Variants in ECM2 observed in about 807,000 individuals in gnomAD.
ECM2 encodes the protein extracellular matrix protein 2, female organ and adipocyte specific.
A neutral mutation model predicts 67.5 loss-of-function variants in ECM2; 57 were observed. The ratio of observed to expected loss-of-function variants is 0.84; its 90% CI spans 0.68 to 1.05. ECM2 has a LOEUF of 1.05. Among genes scored for constraint, ECM2 ranks in the 50% least tolerant of loss-of-function variants. The pLI is 0.00. For missense variants in ECM2, 741 were observed against 822.8 expected, an observed-to-expected ratio of 0.90 and a Z score of 1.22; for synonymous variants, 258 against 294.5, an observed-to-expected ratio of 0.88 and a Z score of 1.27.
rs1365134591 is a variant in ECM2, at chr9:92,495,583, G to A, written c.*732C>T. The A allele has an allele frequency of 1.8e-5, 18 of 978,568 alleles. No homozygotes were observed. Among genetic ancestry groups the A allele is most frequent in the Admixed American group, 6.2e-5 (1 of 16,228 alleles). The allele number at this position is 978,568 out of a possible 1,614,324, so 60.6% of individuals were successfully genotyped here. A position where few individuals can be genotyped will look rare whatever the true frequency, so the allele number is the denominator to read the frequency against. ...TTAATCTTGAGTGAGGAATAGTGAA[G>A]GTAATCTTAATATACTGTTTAACTT... On this transcript the variant is annotated 3_prime_UTR_variant, in exon 10 of 10. Transcript: ENST00000344604.
chr9:92,505,523 A>T lies in ECM2; in HGVS notation c.1464+10T>A. 2 of 1,578,016 alleles carry T rather than the reference A, an allele frequency of 1.3e-6. No individual in the cohort carries two copies. The highest frequency in any genetic ancestry group is 1.7e-6 in the Non-Finnish European group (2 of 1,167,470). ...AATACATTTAAAACACTAAAAAAAT[A>T]TATTGTTACCTCAATAGAACCAGGA... On this transcript the variant is annotated intron_variant, in intron 7 of 9. Transcript: ENST00000344604.
the ECM2 span, among the ~76,000 whole-genome samples, chr9:92,551,386 G>A: frequency 6.6e-6 from 1 of 152,056 alleles, no homozygotes. Context: ...CACCCAAGCT[G>A]GACTGTAGTG....
downstream of ECM2, among the ~76,000 whole-genome samples, chr9:92,494,550 ATTG>A (rs1414830948): frequency 6.6e-6 from 1 of 152,146 alleles, no homozygotes; most frequent in Non-Finnish European, 1.5e-5. Flanking sequence ...TCATATTATT[ATTG>A]TTGTTCATGT....
the ECM2 span, among the ~76,000 whole-genome samples, chr9:92,543,565 C>T: frequency 7.5e-6 from 1 of 134,070 alleles, no homozygotes; most frequent in Non-Finnish European, 1.6e-5. Context: ...TTTTCTGTTT[C>T]TGTTAAGAAT....
Position 92,517,712 on chromosome 9 carries a change from T to C in ECM2, c.456A>G (p.Glu152=). 1 of 1,614,192 alleles carries C rather than the reference T, an allele frequency of 6.2e-7. No individual in the cohort carries two copies. Among genetic ancestry groups the C allele is most frequent in the Non-Finnish European group, 8.5e-7 (1 of 1,180,024 alleles). Residue 152 remains glutamate, a synonymous_variant, in exon 3 of 10, where the codon GAA becomes GAG. Coordinates refer to ENST00000344604, the MANE Select transcript of ECM2 (RefSeq NM_001393.4). ...RCPQTVIPEG[E]CCPVCSATVS... is the part of the protein sequence containing the mutation. ...CAGTAGCGGAGCAGACCGGGCAGCA[T>C]TCCCCTTCAGGTATAACTGTTTGGG...
At chr9:92,558,555 A>G in the ECM2 span, among the ~76,000 whole-genome samples, 1 of 152,096 alleles carries the variant, frequency 6.6e-6, no homozygotes, top group Admixed American at 6.6e-5. Context: ...AGAGGGTGCA[A>G]TGGACACCAT....
the ECM2 span, among the ~76,000 whole-genome samples, chr9:92,541,744 C>T: frequency 1.3e-5 from 2 of 152,058 alleles, no homozygotes; most frequent in African/African-American, 2.4e-5. Context: ...GTGAATAATG[C>T]TGCAGTAAAC....
the ECM2 span, among the ~76,000 whole-genome samples, chr9:92,551,313 T>C: frequency 5.3e-5 from 8 of 152,108 alleles, no homozygotes; most frequent in Admixed American, 2.6e-4. Context: ...TATTGTGATA[T>C]AGCATACTTC....
At chr9:92,525,759 G>A (rs759630304) in intron 1 of ECM2, among the ~76,000 whole-genome samples, 1 of 151,862 alleles carries the variant, frequency 6.6e-6, no homozygotes, top group Admixed American at 6.6e-5. Flanking sequence ...GTGTGGTGGT[G>A]CACGCCTGTA....
chr9:92,534,626 G>C (rs1300424091), intron 1 of ECM2, among the ~76,000 whole-genome samples: 1 of 152,094 alleles, frequency 6.6e-6, no homozygotes, highest in African/African-American at 2.4e-5. Context: ...ATGTAAAGAA[G>C]GACCAAATCC....
the ECM2 span, among the ~76,000 whole-genome samples, chr9:92,545,629 C>T: frequency 1.3e-4 from 20 of 152,334 alleles, no homozygotes; most frequent in Admixed American, 9.8e-4. Context: ...CTGAGGAGTG[C>T]GGGCACAGGG....
chr9:92,509,002 ATTAGC>A (rs1308322674), intron 6 of ECM2, among the ~76,000 whole-genome samples: 1 of 152,038 alleles, frequency 6.6e-6, no homozygotes, highest in Non-Finnish European at 1.5e-5. Context: ...AATCAAAGGC[ATTAGC>A]TAGAATTCAT....
chr9:92,500,945 G>C lies in ECM2; in HGVS notation c.1713C>G (p.Ile571Met), dbSNP rs373764507. 1 of 1,614,172 alleles carries C rather than the reference G, an allele frequency of 6.2e-7. No homozygotes were observed. The highest frequency in any genetic ancestry group is 8.5e-7 in the Non-Finnish European group (1 of 1,180,034). Reference sequence around the variant, plus strand: ...CCATGTGGCCAAACACATAGCCAGGGATCCGTTCAATCTGGTTCCCAAGGA... The same window carrying C: ...CCATGTGGCCAAACACATAGCCAGGCATCCGTTCAATCTGGTTCCCAAGGA... ...LVLLGNQIERIPGYVFGHMEP... is the reference protein window; with the variant it reads ...LVLLGNQIERMPGYVFGHMEP... The change falls in exon 9 of 10, where the codon ATC becomes ATG. Residue 571 changes from isoleucine to methionine, a missense_variant. Transcript: ENST00000344604.
chr9:92,522,537 C>T (rs749186443), intron 2 of ECM2, 38 bp downstream of exon 2: 6 of 1,519,258 alleles, frequency 3.9e-6, no homozygotes, highest in South Asian at 1.3e-5. Flanking sequence ...TCTCACCCTC[C>T]TCCCTCTTTC....
chr9:92,526,252 AAAAT>A (rs1393819016), intron 1 of ECM2, among the ~76,000 whole-genome samples: 1 of 152,230 alleles, frequency 6.6e-6, no homozygotes, highest in Non-Finnish European at 1.5e-5. Context: ...GAAAAGTTAA[AAAAT>A]AAAAATAGAA....
intron 1 of ECM2, among the ~76,000 whole-genome samples, chr9:92,526,816 A>G (rs1449198349): frequency 2.0e-5 from 3 of 152,176 alleles, no homozygotes; most frequent in Admixed American, 6.5e-5. Flanking sequence ...CTCTTAGTGT[A>G]CAGTGTTTAT....
chr9:92,514,821 G>GTCCTCCTCA lies in ECM2; in HGVS notation c.855_863dup (p.Glu289_Asp291dup), dbSNP rs745507937. ...TATCTCCTCTTACCGGGTCCTCCTC[G>GTCCTCCTCA]TCCTCCTCATCCTCCTCACCCTCCT... On this transcript the variant is annotated inframe_insertion, in exon 4 of 10. Coordinates refer to ENST00000344604, the MANE Select transcript of ECM2 (RefSeq NM_001393.4). The GTCCTCCTCA allele has an allele frequency of 4.8e-5, 78 of 1,612,572 alleles. No homozygotes were observed. In the South Asian group the frequency reaches 6.5e-4, roughly 13 times the overall value.
intron 8 of ECM2, 108 bp downstream of exon 8, chr9:92,502,405 A>G (rs977126681): frequency 2.1e-5 from 29 of 1,356,852 alleles, no homozygotes; most frequent in Non-Finnish European, 2.5e-5. Flanking sequence ...CGAGCCCTTC[A>G]GTATCGTCAC....
At chr9:92,556,375 G>T in the ECM2 span, among the ~76,000 whole-genome samples, 4 of 152,146 alleles carry the variant, frequency 2.6e-5, no homozygotes, top group Non-Finnish European at 5.9e-5. Flanking sequence ...GTTGTTGGGT[G>T]AAATGTTCTG....
Sources: gnomAD v4.1 joint callset for allele counts (sites outside exome capture counted in the v4.1 genomes callset) on GRCh38, gnomAD v4.1.1 for gene constraint, MANE v1.5 for transcripts, NCBI Gene and HGNC (gene_info 2026-07-23, HGNC 2026-07-21) for gene names.